The following SNTG1 variants were observed in gnomAD, a reference collection of about 807,000 sequenced individuals.
SNTG1 encodes syntrophin gamma 1.
SNTG1 carries 39 observed loss-of-function variants against 74.7 expected under a neutral mutation model. The ratio of observed to expected loss-of-function variants is 0.52; its 90% CI spans 0.40 to 0.68. The LOEUF is 0.68. Ranked by LOEUF, SNTG1 falls within the 30% of genes least tolerant of loss-of-function variation. The pLI is 0.00. For missense variants in SNTG1, 685 were observed against 609.5 expected (o/e 1.12, Z -1.30); for synonymous variants, 254 against 217.1 (o/e 1.17, Z -1.49).
intron 1 of SNTG1, among the ~76,000 whole-genome samples, chr8:50,065,085 G>C (rs1820794682): frequency 6.6e-6 from 1 of 152,102 alleles, no homozygotes; most frequent in African/African-American, 2.4e-5. Context: ...ATATGATTGA[G>C]AGAATTCCAT....
Position 50,286,493 on chromosome 8 carries a change from A to ATT in SNTG1, c.-27-107719_-27-107718insTT, listed in dbSNP as rs1563846353. 3 of 152,306 alleles carry ATT rather than the reference A, an allele frequency of 2.0e-5. No homozygotes were observed. In the East Asian group the frequency reaches 5.8e-4, roughly 29 times the overall value. The allele number at this position is 152,306 out of a possible 1,614,324, so 9.4% of individuals were successfully genotyped here. Reference sequence around the variant, plus strand: ...GTTTCTACTTCTATCCAAATGGGGAAACATAATGATAGTAACCACATTTTT... The same window carrying ATT: ...GTTTCTACTTCTATCCAAATGGGGAATTACATAATGATAGTAACCACATTTTT... On this transcript the variant is annotated intron_variant, in intron 2 of 18. Coordinates refer to ENST00000642720, the MANE Select transcript of SNTG1 (RefSeq NM_018967.5).
intron 13 of SNTG1, among the ~76,000 whole-genome samples, chr8:50,624,777 T>G (rs1277253633): frequency 6.6e-6 from 1 of 152,168 alleles, no homozygotes; most frequent in African/African-American, 2.4e-5. Context: ...TAGTTTTTTC[T>G]ATTTCTGAAA....
At chr8:50,473,865 A>T (rs1317740677) in intron 8 of SNTG1, among the ~76,000 whole-genome samples, 1 of 152,206 alleles carries the variant, frequency 6.6e-6, no homozygotes, top group East Asian at 1.9e-4. Flanking sequence ...CTAGAGTAAT[A>T]AAACTCATAG....
chr8:50,102,879 G>A (rs1326309584), intron 1 of SNTG1, among the ~76,000 whole-genome samples: 4 of 147,660 alleles, frequency 2.7e-5, no homozygotes, highest in Non-Finnish European at 6.0e-5. Context: ...TAGATATGCG[G>A]CGTTATTTCT....
chr8:50,464,659 G>A (rs1444536020), intron 8 of SNTG1, among the ~76,000 whole-genome samples: 4 of 151,878 alleles, frequency 2.6e-5, no homozygotes, highest in African/African-American at 9.7e-5. Context: ...AGGATCACTT[G>A]GACTGGGAGG....
chr8:50,617,605 G>C (rs1182398373), intron 13 of SNTG1, among the ~76,000 whole-genome samples: 1 of 152,152 alleles, frequency 6.6e-6, no homozygotes, highest in African/African-American at 2.4e-5. Context: ...TATTCGGCCT[G>C]GGGCATCGGC....
At chr8:50,252,599 G>A (rs2086691299) in intron 2 of SNTG1, among the ~76,000 whole-genome samples, 1 of 152,172 alleles carries the variant, frequency 6.6e-6, no homozygotes, top group South Asian at 2.1e-4. Flanking sequence ...GAGGGCCTCA[G>A]GATGCTTCCA....
intron 5 of SNTG1, among the ~76,000 whole-genome samples, chr8:50,440,008 C>T (rs970160447): frequency 1.1e-4 from 16 of 151,304 alleles, no homozygotes; most frequent in African/African-American, 3.6e-4. Flanking sequence ...CACATTTTAA[C>T]CTAGTTTTTA....
chr8:50,506,362 T>A (rs1485755578), intron 9 of SNTG1, among the ~76,000 whole-genome samples: 2 of 152,026 alleles, frequency 1.3e-5, no homozygotes, highest in Admixed American at 1.3e-4. Flanking sequence ...TTAGGATAGT[T>A]TTTCTATTTC....
At chr8:50,177,607 G>T (rs1308085980) in intron 2 of SNTG1, among the ~76,000 whole-genome samples, 1 of 152,172 alleles carries the variant, frequency 6.6e-6, no homozygotes, top group African/African-American at 2.4e-5. Flanking sequence ...ATGTTAAGAG[G>T]CAAACGTTGA....
chr8:50,237,500 G>T (rs1218870389), intron 2 of SNTG1, among the ~76,000 whole-genome samples: 1 of 152,008 alleles, frequency 6.6e-6, no homozygotes, highest in African/African-American at 2.4e-5. Flanking sequence ...ATATTTAATG[G>T]AAAACATCAT....
At chr8:50,659,818 A>G (rs2095207927) in intron 15 of SNTG1, among the ~76,000 whole-genome samples, 1 of 152,212 alleles carries the variant, frequency 6.6e-6, no homozygotes, top group Non-Finnish European at 1.5e-5. Flanking sequence ...TTTCTGAAAT[A>G]ATTGCCAAAA....
At chr8:50,138,628 CAATAATAATAAT>C (rs34280300) in intron 1 of SNTG1, among the ~76,000 whole-genome samples, 83 of 140,850 alleles carry the variant, frequency 5.9e-4, no homozygotes, top group African/African-American at 4.8e-4. Flanking sequence ...TCTGTCTCAA[CAATAATAATAAT>C]AATAATAATA....
intron 1 of SNTG1, among the ~76,000 whole-genome samples, chr8:49,948,571 T>C: frequency 6.6e-6 from 1 of 152,238 alleles, no homozygotes; most frequent in East Asian, 1.9e-4. Context: ...AATCATCTAC[T>C]GAATAGTTTA....
chr8:50,269,754 GT>G (rs2087679825), intron 2 of SNTG1, among the ~76,000 whole-genome samples: 3 of 152,002 alleles, frequency 2.0e-5, no homozygotes, highest in Admixed American at 6.6e-5. Context: ...AAAAAACAGA[GT>G]TTTTTCCTTC....
At chr8:50,676,157 C>T (rs1379618582) in intron 15 of SNTG1, among the ~76,000 whole-genome samples, 1 of 151,944 alleles carries the variant, frequency 6.6e-6, no homozygotes, top group East Asian at 1.9e-4. Context: ...CTCTGCATTT[C>T]CTGAATTTGC....
At chr8:50,228,926 A>G (rs1420168012) in intron 2 of SNTG1, among the ~76,000 whole-genome samples, 1 of 151,764 alleles carries the variant, frequency 6.6e-6, no homozygotes, top group Non-Finnish European at 1.5e-5. Context: ...TTAAAATAAT[A>G]ATAGTAACAA....
At chr8:50,432,048 C>A (rs1466613259) in intron 4 of SNTG1, among the ~76,000 whole-genome samples, 1 of 152,096 alleles carries the variant, frequency 6.6e-6, no homozygotes, top group Non-Finnish European at 1.5e-5. Flanking sequence ...CATTTATCAA[C>A]ATTTTTATAA....
At chr8:50,075,850 A>G (rs1014073354) in intron 1 of SNTG1, among the ~76,000 whole-genome samples, 3 of 152,132 alleles carry the variant, frequency 2.0e-5, no homozygotes, top group Middle Eastern at 3.2e-3. Context: ...TCTTGAAGCC[A>G]GCGAGACCAG....
Sources: allele counts gnomAD v4.1 joint callset (sites outside exome capture counted in the v4.1 genomes callset), GRCh38; gene constraint gnomAD v4.1.1; transcripts MANE v1.5; gene names NCBI Gene and HGNC (gene_info 2026-07-23, HGNC 2026-07-21).